Variants in ZNF469 observed in about 807,000 individuals in gnomAD.
ZNF469 encodes zinc finger protein 469.
A neutral mutation model predicts 1.0 loss-of-function variants in ZNF469; 1 was observed. The observed-to-expected ratio is 1.00, with a 90% CI of 0.35 to 4.73. The LOEUF (loss-of-function observed/expected upper bound fraction) is 4.73. ZNF469 is among the 30% of genes most tolerant of loss of function. ZNF469 has a pLI of 0.16. For synonymous variants in ZNF469, 2,703 were observed against 2,363.4 expected (o/e 1.14, Z -4.17); for missense variants, 6,100 against 5,356.3 (o/e 1.14, Z -4.33).
upstream of ZNF469, among the ~76,000 whole-genome samples, chr16:88,379,868 G>A (rs183844495): frequency 3.3e-4 from 50 of 152,288 alleles, no homozygotes; most frequent in Non-Finnish European, 5.7e-4. Context: ...CCACCTCGCG[G>A]GGTTGTCAGA....
chr16:88,229,589 C>T, the ZNF469 span, among the ~76,000 whole-genome samples: 289 of 133,162 alleles, frequency 2.2e-3, 7 homozygotes, highest in African/African-American at 5.4e-3. Context: ...TGATGTCACG[C>T]GTGTGGATGT....
Position 88,432,178 on chromosome 16 carries a change from G to C in ZNF469, c.4708G>C (p.Glu1570Gln). ...DELEIQKLVT[E>Q]LESQLQRSKD... ...ACTGGAGATCCAGAAATTGGTCACC[G>C]AATTAGAAAGTCAGCTGCAAAGGAG... The change falls in exon 3 of 3, where the codon GAA becomes CAA. Residue 1570 changes from glutamate (E) to glutamine (Q), a missense_variant. Coordinates refer to ENST00000565624, the MANE Select transcript of ZNF469 (RefSeq NM_001367624.2). 12 of 1,550,312 alleles carry C rather than the reference G, an allele frequency of 7.7e-6. No homozygotes were observed. The highest frequency in any genetic ancestry group is 1.0e-5 in the Non-Finnish European group (12 of 1,146,982).
rs116083993 is a variant in ZNF469 at position 88,393,980 on chromosome 16, C to T, written c.-192+10726C>T. ...ACAGGAGGGGGGTTTGACACGTCTA[C>T]ACCTGTGCTATCCGAGAGGAGCGGG... is the stretch of plus-strand genomic sequence containing the variant. On this transcript the variant is annotated intron_variant, in intron 1 of 2. Transcript: ENST00000565624. Among the ~76,000 whole-genome samples the T allele has an allele frequency of 1.0e-3, 158 of 152,336 alleles. 1 individual carries two copies. Among genetic ancestry groups the T allele is most frequent in the African/African-American group, 3.7e-3 (154 of 41,572 alleles).
intron 1 of ZNF469, among the ~76,000 whole-genome samples, chr16:88,422,879 G>T (rs1317338903): frequency 1.4e-5 from 1 of 71,754 alleles, no homozygotes; most frequent in Non-Finnish European, 3.7e-5. Context: ...TGAGTGAATG[G>T]ATGGATGGAT....
chr16:88,305,873 A>G, the ZNF469 span, among the ~76,000 whole-genome samples: 1 of 152,130 alleles, frequency 6.6e-6, no homozygotes, highest in African/African-American at 2.4e-5. Flanking sequence ...CCATGTTCAC[A>G]TACACACATA....
the ZNF469 span, among the ~76,000 whole-genome samples, chr16:88,172,380 C>G: frequency 1.2e-4 from 18 of 152,302 alleles, no homozygotes; most frequent in African/African-American, 4.1e-4. Flanking sequence ...TATGAAAATC[C>G]TCAGAAGAGT....
the ZNF469 span, among the ~76,000 whole-genome samples, chr16:88,261,428 C>T: frequency 6.6e-6 from 1 of 152,280 alleles, no homozygotes. The surrounding 1 kb of genome is among the most constrained non-coding windows in gnomAD (Gnocchi z 6.0). Flanking sequence ...CACAGTAGGT[C>T]ATGCCCCCCG....
chr16:88,104,502 C>G, the ZNF469 span, among the ~76,000 whole-genome samples: 1 of 152,198 alleles, frequency 6.6e-6, no homozygotes, highest in African/African-American at 2.4e-5. Context: ...CCCAGCCTCT[C>G]GCTGACCCCG....
At chr16:88,268,218 C>T in the ZNF469 span, among the ~76,000 whole-genome samples, 3 of 152,208 alleles carry the variant, frequency 2.0e-5, no homozygotes, top group East Asian at 1.9e-4. Flanking sequence ...GGCATGAGCC[C>T]TGCGTTCCCA....
chr16:88,274,055 G>A, the ZNF469 span, among the ~76,000 whole-genome samples: 51 of 152,190 alleles, frequency 3.4e-4, 1 homozygote, highest in East Asian at 7.0e-3. Context: ...CGCCTGCCTC[G>A]GCCTCCCAAA....
chr16:88,237,784 C>A, the ZNF469 span, among the ~76,000 whole-genome samples: 18 of 144,196 alleles, frequency 1.2e-4, no homozygotes, highest in African/African-American at 4.6e-4. Context: ...CCCTCCCTGC[C>A]CTCCTTGCTC....
the ZNF469 span, among the ~76,000 whole-genome samples, chr16:88,229,974 A>G: frequency 2.6e-5 from 4 of 152,008 alleles, no homozygotes; most frequent in African/African-American, 9.7e-5. Flanking sequence ...TGGGTCTGGG[A>G]TCCAGGGCAG....
the ZNF469 span, among the ~76,000 whole-genome samples, chr16:88,104,739 C>A: frequency 6.6e-6 from 1 of 152,246 alleles, no homozygotes; most frequent in Non-Finnish European, 1.5e-5. Context: ...TGTGGACGCT[C>A]CTATCCTTCT....
chr16:88,220,596 A>G, the ZNF469 span, among the ~76,000 whole-genome samples: 1 of 152,140 alleles, frequency 6.6e-6, no homozygotes, highest in Non-Finnish European at 1.5e-5. Context: ...TATCTCATTT[A>G]ATCCTCATGA....
At chr16:88,229,503 CTGAA>C in the ZNF469 span, among the ~76,000 whole-genome samples, 7 of 150,750 alleles carry the variant, frequency 4.6e-5, no homozygotes, top group African/African-American at 7.4e-5. Context: ...CTAGTCCTGT[CTGAA>C]TGATGAATGT....
At chr16:88,363,657 A>G in the ZNF469 span, among the ~76,000 whole-genome samples, 7 of 152,316 alleles carry the variant, frequency 4.6e-5, no homozygotes, top group South Asian at 1.5e-3. Flanking sequence ...CCACCCAGCA[A>G]GACCACAGGT....
intron 1 of ZNF469, among the ~76,000 whole-genome samples, chr16:88,408,735 C>A (rs537351988): frequency 6.6e-6 from 1 of 150,772 alleles, no homozygotes; most frequent in African/African-American, 2.4e-5. Context: ...CTGACCCTCC[C>A]GCCTGGCCCC....
chr16:88,423,674 A>G lies in ZNF469; in HGVS notation c.-191-1133A>G, dbSNP rs113595826. The stretch of plus-strand genomic sequence containing the variant: ...GGCTGCAGCATCATCCAAAGGCCCA[A>G]CGGAGTCTGGGGAAGCCACTTCCAA... On this transcript the variant is annotated intron_variant, in intron 1 of 2. Coordinates refer to ENST00000565624, the MANE Select transcript of ZNF469 (RefSeq NM_001367624.2). 9.0e-3 allele frequency among the ~76,000 whole-genome samples: 1,369 copies of G among 152,324 alleles called. 23 individuals are homozygous for G. Among genetic ancestry groups the G allele is most frequent in the African/African-American group, 0.03 (1,264 of 41,580 alleles).
the ZNF469 span, among the ~76,000 whole-genome samples, chr16:88,228,949 G>A: frequency 6.6e-6 from 1 of 152,148 alleles, no homozygotes; most frequent in African/African-American, 2.4e-5. Flanking sequence ...AGGCGGGGAG[G>A]GAGGCACAGC....
Sources: allele counts gnomAD v4.1 joint callset (sites outside exome capture counted in the v4.1 genomes callset), GRCh38; gene constraint gnomAD v4.1.1; non-coding constraint Gnocchi (gnomAD v3.1); transcripts MANE v1.5; gene names NCBI Gene and HGNC (gene_info 2026-07-23, HGNC 2026-07-21).